The following KIRREL3 variants were observed in gnomAD, a reference collection of about 807,000 sequenced individuals.
KIRREL3 encodes the protein kin of IRRE-like protein 3.
KIRREL3 carries 36 observed loss-of-function variants against 89.7 expected under a neutral mutation model. The ratio of observed to expected loss-of-function variants is 0.40; its 90% CI spans 0.31 to 0.53. KIRREL3 has a LOEUF of 0.53. Ranked by LOEUF, KIRREL3 falls within the 20% of genes least tolerant of loss-of-function variation. The pLI is 0.49. For missense variants in KIRREL3, 864 were observed against 1,056.6 expected (o/e 0.82, Z 2.53); for synonymous variants, 445 against 441.4 (o/e 1.01, Z -0.10).
chr11:126,576,409 G>A lies in KIRREL3; in HGVS notation c.56-13497C>T, dbSNP rs181435314. On this transcript the variant is annotated intron_variant, in intron 1 of 16. Transcript: ENST00000525144. The surrounding 1 kb of genome is among the most constrained non-coding windows in gnomAD (Gnocchi z 5.4). ...TTCAAGGAGAGCTCACTCTGTGTCA[G>A]TTCTGGCTGTTATGGATATTGTGAT... is the stretch of plus-strand genomic sequence containing the variant. Among the ~76,000 whole-genome samples the A allele has an allele frequency of 3.3e-5, 5 of 152,280 alleles. No homozygotes were observed. The East Asian group carries it at 9.6e-4, about 29-fold the overall frequency.
In KIRREL3 at chr11:126,709,268, G is replaced by C. The variant is rs1947661941; in HGVS notation, c.56-146356C>G. On this transcript the variant is annotated intron_variant, in intron 1 of 16. Transcript: ENST00000525144. The surrounding 1 kb of genome is among the most constrained non-coding windows in gnomAD (Gnocchi z 4.0). Reference sequence around the variant, plus strand: ...ACTCGCCCCAAAATATGGCTGCCTTGACTAGTTGGCTTTATCATCTCCTCT... The same window carrying C: ...ACTCGCCCCAAAATATGGCTGCCTTCACTAGTTGGCTTTATCATCTCCTCT... Among the ~76,000 whole-genome samples the C allele has an allele frequency of 6.6e-6, 1 of 152,204 alleles. No homozygotes were observed. Among genetic ancestry groups the C allele is most frequent in the Non-Finnish European group, 1.5e-5 (1 of 68,046 alleles).
chr11:126,972,078 G>C (rs1949437805), intron 1 of KIRREL3, among the ~76,000 whole-genome samples: 1 of 151,870 alleles, frequency 6.6e-6, no homozygotes, highest in African/African-American at 2.4e-5. Context: ...AGGGCATGAT[G>C]CTTCAGTGCC....
chr11:126,949,469 C>T (rs1162652847), intron 1 of KIRREL3, among the ~76,000 whole-genome samples: 1 of 152,178 alleles, frequency 6.6e-6, no homozygotes, highest in Non-Finnish European at 1.5e-5. Flanking sequence ...TGCTCATGCA[C>T]ATGCCCCTCC....
chr11:126,519,515 T>C lies in KIRREL3; in HGVS notation c.433+1800A>G, dbSNP rs931860374. 5.9e-5 allele frequency among the ~76,000 whole-genome samples: 9 copies of C among 152,330 alleles called. No homozygotes were observed. The highest frequency in any genetic ancestry group is 2.2e-4 in the African/African-American group (9 of 41,572). On this transcript the variant is annotated intron_variant, in intron 4 of 16. Coordinates refer to ENST00000525144, the MANE Select transcript of KIRREL3 (RefSeq NM_032531.4). The surrounding 1 kb of genome is among the most constrained non-coding windows in gnomAD (Gnocchi z 4.3). ...GAGAGGAAAGGAAGTGTAATGATCA[T>C]GTCAGGACTGGGGAAGTCAATACAG...
At position 126,877,564 on chromosome 11, in the gene KIRREL3, G is replaced by C. The variant is rs1592267449; in HGVS notation, c.55+122891C>G. 6.6e-6 allele frequency among the ~76,000 whole-genome samples: 1 copy of C among 152,216 alleles called. No individual in the cohort carries two copies. Among genetic ancestry groups the C allele is most frequent in the South Asian group, 2.1e-4 (1 of 4,826 alleles). On this transcript the variant is annotated intron_variant, in intron 1 of 16. Coordinates refer to ENST00000525144, the MANE Select transcript of KIRREL3 (RefSeq NM_032531.4). The surrounding 1 kb of genome is among the most constrained non-coding windows in gnomAD (Gnocchi z 4.9). ...CCAAAAATGAAATTCATTATATTTA[G>C]AGCTAAAATAATTCCAGAATCAATT...
rs1164995893 is a variant in KIRREL3 at position 126,917,597 on chromosome 11, T to G, written c.55+82858A>C. ...GAGCACTGCTCAGTTGTAGGCTGTGTGGGGAGTGAGTAATGATCACCTGGT... is the reference window on the plus strand; with the variant it reads ...GAGCACTGCTCAGTTGTAGGCTGTGGGGGGAGTGAGTAATGATCACCTGGT... On this transcript the variant is annotated intron_variant, in intron 1 of 16. Coordinates refer to ENST00000525144, the MANE Select transcript of KIRREL3 (RefSeq NM_032531.4). The surrounding 1 kb of genome is among the most constrained non-coding windows in gnomAD (Gnocchi z 5.0). Among the ~76,000 whole-genome samples, 1 of 152,164 alleles carries G rather than the reference T, an allele frequency of 6.6e-6. No homozygotes were observed. Among genetic ancestry groups the G allele is most frequent in the Non-Finnish European group, 1.5e-5 (1 of 68,040 alleles).
At chr11:126,692,516 G>A (rs1223487562) in intron 1 of KIRREL3, among the ~76,000 whole-genome samples, 2 of 110,812 alleles carry the variant, frequency 1.8e-5, no homozygotes, top group Non-Finnish European at 3.3e-5. Context: ...ATGCACTCCA[G>A]CCTGGGTGAC....
chr11:126,606,438 C>T lies in KIRREL3; in HGVS notation c.56-43526G>A, dbSNP rs1360925472. 1.3e-5 allele frequency among the ~76,000 whole-genome samples: 2 copies of T among 152,132 alleles called. No homozygotes were observed. The highest frequency in any genetic ancestry group is 1.5e-5 in the Non-Finnish European group (1 of 68,032). ...AGTGAGCAGATTATGACATGTACATCCTTTGGAACACAGACCCAATAAATG... is the reference window on the plus strand; with the variant it reads ...AGTGAGCAGATTATGACATGTACATTCTTTGGAACACAGACCCAATAAATG... On this transcript the variant is annotated intron_variant, in intron 1 of 16. Coordinates refer to ENST00000525144, the MANE Select transcript of KIRREL3 (RefSeq NM_032531.4). The surrounding 1 kb of genome is among the most constrained non-coding windows in gnomAD (Gnocchi z 4.6).
At position 126,686,058 on chromosome 11, in the gene KIRREL3, G is replaced by C. The variant is rs796894139; in HGVS notation, c.56-123146C>G. 2.2e-4 allele frequency among the ~76,000 whole-genome samples: 33 copies of C among 152,298 alleles called. No homozygotes were observed. The highest frequency in any genetic ancestry group is 7.5e-4 in the African/African-American group (31 of 41,572). On this transcript the variant is annotated intron_variant, in intron 1 of 16. Transcript: ENST00000525144. The surrounding 1 kb of genome is among the most constrained non-coding windows in gnomAD (Gnocchi z 4.7). Reference sequence around the variant, plus strand: ...AGGATTGTCTACTCTGGCTCTGTGGGCACTGTTCCTGAGGTGTGAGCAAAC... The same window carrying C: ...AGGATTGTCTACTCTGGCTCTGTGGCCACTGTTCCTGAGGTGTGAGCAAAC...
In KIRREL3 at chr11:126,456,346, C is replaced by T. The variant is rs781692259; in HGVS notation, c.848+3G>A. Reference sequence around the variant, plus strand: ...GCCGGGCCCCCTCAGCAGTGACTCTCACCTGTACTGGGTGACAGCTGGGTT... The same window carrying T: ...GCCGGGCCCCCTCAGCAGTGACTCTTACCTGTACTGGGTGACAGCTGGGTT... On this transcript the variant is annotated splice_donor_region_variant and intron_variant, in intron 7 of 16. Coordinates refer to ENST00000525144, the MANE Select transcript of KIRREL3 (RefSeq NM_032531.4). 5.7e-6 allele frequency: 9 copies of T among 1,573,222 alleles called. No individual in the cohort carries two copies. The highest frequency in any genetic ancestry group is 2.3e-5 in the East Asian group (1 of 42,794).
chr11:126,886,332 G>T (rs993735352), intron 1 of KIRREL3, among the ~76,000 whole-genome samples: 3 of 152,158 alleles, frequency 2.0e-5, no homozygotes, highest in Admixed American at 6.5e-5. Flanking sequence ...TCTCCTGAGG[G>T]CTAAGTGCAT....
chr11:126,934,098 C>T lies in KIRREL3; in HGVS notation c.55+66357G>A, dbSNP rs559354493. ...TTACAGTAATCCACACAGTGTGGTG[C>T]TGACAAAACTATAGACATATGGACA... On this transcript the variant is annotated intron_variant, in intron 1 of 16. Coordinates refer to ENST00000525144, the MANE Select transcript of KIRREL3 (RefSeq NM_032531.4). 4.6e-5 allele frequency among the ~76,000 whole-genome samples: 7 copies of T among 151,950 alleles called. No homozygotes were observed. In the East Asian group the frequency reaches 1.2e-3, roughly 25 times the overall value.
In KIRREL3 at chr11:127,000,430, A is replaced by T; in HGVS notation, c.55+25T>A. On this transcript the variant is annotated intron_variant, in intron 1 of 16. Transcript: ENST00000525144. This position sits in a 1 kb window ranked among gnomAD's most constrained non-coding sequence, Gnocchi z 7.1. ...CTGACAACCCAGCCGACTTTCTTCC[A>T]ACTCCAGCAGCGCAGGGGTCCTACC... 6.3e-7 allele frequency: 1 copy of T among 1,584,412 alleles called. No homozygotes were observed.
chr11:126,966,416 G>A (rs958072755), intron 1 of KIRREL3, among the ~76,000 whole-genome samples: 6 of 152,120 alleles, frequency 3.9e-5, no homozygotes, highest in African/African-American at 9.7e-5. Flanking sequence ...TATCTTGGGC[G>A]TATTGATTGA....
chr11:126,739,457 T>C lies in KIRREL3; in HGVS notation c.56-176545A>G, dbSNP rs1948908900. ...GTAAAGCAAAACAGCTCTTGAGTAG[T>C]ATTTGCTCTGTCAGTCAGTGTGCCA... On this transcript the variant is annotated intron_variant, in intron 1 of 16. Transcript: ENST00000525144. The surrounding 1 kb of genome is among the most constrained non-coding windows in gnomAD (Gnocchi z 5.5). 6.6e-6 allele frequency among the ~76,000 whole-genome samples: 1 copy of C among 152,208 alleles called. No homozygotes were observed. The highest frequency in any genetic ancestry group is 1.5e-5 in the Non-Finnish European group (1 of 68,038).
chr11:126,945,089 T>C (rs1373993573), intron 1 of KIRREL3: 1 of 152,222 alleles, frequency 6.6e-6, no homozygotes, highest in Non-Finnish European at 1.5e-5. Context: ...AGTGACAGAC[T>C]CTATCTGCCT....
intron 1 of KIRREL3, among the ~76,000 whole-genome samples, chr11:126,957,526 G>T (rs549841990): frequency 6.6e-6 from 1 of 152,320 alleles, no homozygotes; most frequent in South Asian, 2.1e-4. Flanking sequence ...GATATTCAGC[G>T]TCCTCAAGAA....
chr11:126,582,038 C>G (rs1272222702), intron 1 of KIRREL3, among the ~76,000 whole-genome samples: 2 of 152,168 alleles, frequency 1.3e-5, no homozygotes, highest in African/African-American at 4.8e-5. Context: ...GGTCACACGG[C>G]TATGTGACAG....
rs1947449614 is a variant in KIRREL3 at position 126,704,678 on chromosome 11, G to A, written c.56-141766C>T. Among the ~76,000 whole-genome samples the A allele has an allele frequency of 6.6e-6, 1 of 152,234 alleles. No individual in the cohort carries two copies. Among genetic ancestry groups the A allele is most frequent in the Non-Finnish European group, 1.5e-5 (1 of 68,042 alleles). ...GAGTTGTGGCTAAGTGAGGAAGTCT[G>A]AGTCTCTCCTGATGCCCACGCTTCC... On this transcript the variant is annotated intron_variant, in intron 1 of 16. Transcript: ENST00000525144. The surrounding 1 kb of genome is among the most constrained non-coding windows in gnomAD (Gnocchi z 4.2).
Sources: allele counts gnomAD v4.1 joint callset (sites outside exome capture counted in the v4.1 genomes callset), GRCh38; gene constraint gnomAD v4.1.1; non-coding constraint Gnocchi (gnomAD v3.1); transcripts MANE v1.5; gene names NCBI Gene and HGNC (gene_info 2026-07-23, HGNC 2026-07-21).